The following IQSEC1 variants were observed in gnomAD, a reference collection of about 807,000 sequenced individuals.
IQSEC1 encodes the protein IQ motif and Sec7 domain ArfGEF 1.
IQSEC1 carries 31 observed loss-of-function variants against 91.0 expected under a neutral mutation model. That is an observed-to-expected ratio of 0.34 (90% CI 0.26 to 0.46). IQSEC1 has a LOEUF of 0.46. IQSEC1 is among the 20% of genes least tolerant of loss of function. The pLI is 1.00. For missense variants in IQSEC1, 1,388 were observed against 1,575.6 expected (o/e 0.88, Z 2.02); for synonymous variants, 699 against 662.6 (o/e 1.05, Z -0.84).
At chr3:13,128,763 GCTA>G (rs976144599) in intron 2 of IQSEC1, among the ~76,000 whole-genome samples, 31 of 151,430 alleles carry the variant, frequency 2.0e-4, no homozygotes, top group South Asian at 1.3e-3. Flanking sequence ...TGTAATCCCA[GCTA>G]CTCAAGAGGC....
At chr3:13,128,007 T>C (rs1270861807) in intron 2 of IQSEC1, among the ~76,000 whole-genome samples, 1 of 152,270 alleles carries the variant, frequency 6.6e-6, no homozygotes, top group East Asian at 1.9e-4. Context: ...GTGTGTGTGC[T>C]GATCACAAAT....
intron 1 of IQSEC1, among the ~76,000 whole-genome samples, chr3:13,200,536 T>A (rs1463762221): frequency 6.6e-6 from 1 of 152,204 alleles, no homozygotes; most frequent in Non-Finnish European, 1.5e-5. Flanking sequence ...CCTTTCCAGA[T>A]AACGAGGTTG....
chr3:13,178,855 C>G (rs1693784943), intron 1 of IQSEC1, among the ~76,000 whole-genome samples: 1 of 152,194 alleles, frequency 6.6e-6, no homozygotes, highest in Non-Finnish European at 1.5e-5. Flanking sequence ...AACATAGAAA[C>G]TGACCCTCTG....
chr3:13,074,289 A>G (rs1333517945), upstream of IQSEC1, among the ~76,000 whole-genome samples: 1 of 152,144 alleles, frequency 6.6e-6, no homozygotes, highest in Non-Finnish European at 1.5e-5. Context: ...GCTGGCGTCA[A>G]GGCTCTGAGG....
rs1193546073 is a variant in IQSEC1, at chr3:12,979,480, G to T, written c.24-37615C>A. On this transcript the variant is annotated intron_variant, in intron 1 of 13. Coordinates refer to ENST00000613206, the MANE Select transcript of IQSEC1 (RefSeq NM_001134382.3). This position sits in a 1 kb window ranked among gnomAD's most constrained non-coding sequence, Gnocchi z 4.3. The stretch of plus-strand genomic sequence containing the variant: ...AATGCTGGATTTGGGTTACAAAAAA[G>T]GCGGACACATGCACGCAGCACGCGC... Among the ~76,000 whole-genome samples, 3 of 152,168 alleles carry T rather than the reference G, an allele frequency of 2.0e-5. No homozygotes were observed. Among genetic ancestry groups the T allele is most frequent in the Non-Finnish European group, 4.4e-5 (3 of 68,032 alleles).
intron 2 of IQSEC1, among the ~76,000 whole-genome samples, chr3:13,151,883 T>C (rs1318512013): frequency 6.6e-6 from 1 of 152,038 alleles, no homozygotes; most frequent in Non-Finnish European, 1.5e-5. Context: ...GGAGAATCAC[T>C]TGAACCCAGA....
At chr3:13,197,572 C>T in intron 1 of IQSEC1, among the ~76,000 whole-genome samples, 1 of 152,240 alleles carries the variant, frequency 6.6e-6, no homozygotes, top group Non-Finnish European at 1.5e-5. Flanking sequence ...TACGACCAAG[C>T]TGCCCGCCCT....
chr3:12,942,982 G>A (rs924242109), intron 1 of IQSEC1, among the ~76,000 whole-genome samples: 5 of 152,270 alleles, frequency 3.3e-5, no homozygotes, highest in African/African-American at 1.2e-4. Context: ...GACAATAAAT[G>A]TCTGTTGTCG....
At chr3:13,007,274 A>C (rs1702677114) in intron 1 of IQSEC1, among the ~76,000 whole-genome samples, 1 of 152,246 alleles carries the variant, frequency 6.6e-6, no homozygotes, top group South Asian at 2.1e-4. Flanking sequence ...CTCTGTCTCC[A>C]GCTGGTATGC....
chr3:12,995,279 G>C (rs1218512053), intron 1 of IQSEC1, among the ~76,000 whole-genome samples: 2 of 152,234 alleles, frequency 1.3e-5, no homozygotes, highest in Non-Finnish European at 2.9e-5. Context: ...TGTGACCTTG[G>C]GCAAGACGTT....
At chr3:13,204,654 C>T (rs1324722944) in intron 1 of IQSEC1, among the ~76,000 whole-genome samples, 1 of 152,176 alleles carries the variant, frequency 6.6e-6, no homozygotes, top group African/African-American at 2.4e-5. Flanking sequence ...GTTAAGGGCA[C>T]GCAGTAGGCG....
intron 1 of IQSEC1, among the ~76,000 whole-genome samples, chr3:13,011,128 G>C (rs1396444688): frequency 6.6e-6 from 1 of 151,652 alleles, no homozygotes; most frequent in Non-Finnish European, 1.5e-5. Context: ...TTTAAGAAAT[G>C]AACATCCTGG....
At chr3:12,986,213 C>T (rs1701726419) in intron 1 of IQSEC1, among the ~76,000 whole-genome samples, 2 of 152,090 alleles carry the variant, frequency 1.3e-5, no homozygotes, top group South Asian at 4.1e-4. Context: ...ACGTCACAGG[C>T]TGGGCTGGGA....
rs1450533451 is a variant in IQSEC1 at position 12,909,849 on chromosome 3, GTGCCCA to G, written c.2417-421_2417-416del. 1.3e-5 allele frequency among the ~76,000 whole-genome samples: 2 copies of G among 152,230 alleles called. No homozygotes were observed. Among genetic ancestry groups the G allele is most frequent in the African/African-American group, 4.8e-5 (2 of 41,466 alleles). On this transcript the variant is annotated intron_variant, in intron 10 of 13. Transcript: ENST00000613206. This position sits in a 1 kb window ranked among gnomAD's most constrained non-coding sequence, Gnocchi z 4.9. ...GGGCACTCCACAGCCAAGGAACCCT[GTGCCCA>G]GACCTGCCTGGTGCCACCTCCGGGC...
At chr3:13,144,309 G>A (rs941192420) in intron 2 of IQSEC1, among the ~76,000 whole-genome samples, 14 of 152,328 alleles carry the variant, frequency 9.2e-5, no homozygotes, top group Admixed American at 3.9e-4. Context: ...GCCGTGTGCT[G>A]TGGCCAAACC....
At chr3:13,034,252 TC>T (rs1320623353) in intron 1 of IQSEC1, among the ~76,000 whole-genome samples, 1 of 152,010 alleles carries the variant, frequency 6.6e-6, no homozygotes, top group African/African-American at 2.4e-5. Context: ...GCCATGATCT[TC>T]CCCCTCCGGA....
intron 1 of IQSEC1, among the ~76,000 whole-genome samples, chr3:13,179,516 A>G (rs936104902): frequency 6.6e-6 from 1 of 152,280 alleles, no homozygotes; most frequent in Non-Finnish European, 1.5e-5. Flanking sequence ...AAAGGGGCCA[A>G]TTCTCCAAGG....
At chr3:13,178,237 G>A (rs1693774251) in intron 1 of IQSEC1, among the ~76,000 whole-genome samples, 1 of 152,276 alleles carries the variant, frequency 6.6e-6, no homozygotes, top group Non-Finnish European at 1.5e-5. Context: ...GCCAAGTGCT[G>A]GAGATTCACT....
chr3:13,103,113 C>T lies in IQSEC1; in HGVS notation c.303-55591G>A, dbSNP rs1236438056. Among the ~76,000 whole-genome samples the T allele has an allele frequency of 1.3e-5, 2 of 152,000 alleles. No individual in the cohort carries two copies. The highest frequency in any genetic ancestry group is 1.3e-4 in the Admixed American group (2 of 15,284). Reference sequence around the variant, plus strand: ...CATGCTCTGAAGTAGAGCCAGGGCCCCAGGGCTCTGCCCCAGCCCCTCCCT... The same window carrying T: ...CATGCTCTGAAGTAGAGCCAGGGCCTCAGGGCTCTGCCCCAGCCCCTCCCT... On this transcript the variant is annotated intron_variant, in intron 2 of 15. Coordinates refer to the IQSEC1 transcript ENST00000648114. The surrounding 1 kb of genome is among the most constrained non-coding windows in gnomAD (Gnocchi z 4.1).
Sources: allele counts gnomAD v4.1 joint callset (sites outside exome capture counted in the v4.1 genomes callset), GRCh38; gene constraint gnomAD v4.1.1; non-coding constraint Gnocchi (gnomAD v3.1); transcripts MANE v1.5; gene names NCBI Gene and HGNC (gene_info 2026-07-23, HGNC 2026-07-21).